Variants in GREB1 observed in about 807,000 individuals in gnomAD.
GREB1 encodes the protein growth regulating estrogen receptor binding 1.
GREB1 carries 106 observed loss-of-function variants against 200.7 expected under a neutral mutation model. That is an observed-to-expected ratio of 0.53 (90% CI 0.45 to 0.62). The LOEUF (loss-of-function observed/expected upper bound fraction) is 0.62. Among genes scored for constraint, GREB1 ranks in the 20% least tolerant of loss-of-function variants. The pLI, the probability that GREB1 is intolerant of heterozygous loss-of-function variation, is 0.00. For missense variants in GREB1, 2,243 were observed against 2,556.8 expected (o/e 0.88, Z 2.65); for synonymous variants, 1,132 against 1,092.4 (o/e 1.04, Z -0.72).
intron 19 of GREB1, among the ~76,000 whole-genome samples, chr2:11,614,366 A>T (rs2148328837): frequency 6.6e-6 from 1 of 152,154 alleles, no homozygotes; most frequent in South Asian, 2.1e-4. Context: ...ACCTCAAGTG[A>T]TCGGCCCGCC....
At position 11,626,997 on chromosome 2, in the gene GREB1, G is replaced by T. The variant is rs369208303; in HGVS notation, c.4342G>T (p.Val1448Leu). The change falls in exon 25 of 33, where the codon GTG becomes TTG. Residue 1448 changes from valine (V) to leucine (L), a missense_variant. Val to Leu is a conservative substitution (Grantham distance 32). Coordinates refer to ENST00000381486, the MANE Select transcript of GREB1 (RefSeq NM_014668.4). The stretch of plus-strand genomic sequence containing the variant: ...GTCCCGGAAGCCGGAGGACCTTTAT[G>T]TGCGGCGTCAGACGGCACGGATGAG... Reference protein sequence around the residue: ...GMSRKPEDLYVRRQTARMRLS... With the variant: ...GMSRKPEDLYLRRQTARMRLS... 21 of 1,614,084 alleles carry T rather than the reference G, an allele frequency of 1.3e-5. No homozygotes were observed. The African/African-American group carries it at 2.4e-4, about 18-fold the overall frequency.
rs561092028 is a variant in GREB1 at position 11,562,747 on chromosome 2, C to G, written c.277+165C>G. The stretch of plus-strand genomic sequence containing the variant: ...CATGCCCCTGGGCCCGCAGCAGGTG[C>G]TGGCCCGGCCTGCCCTCCTGAAACA... On this transcript the variant is annotated intron_variant, in intron 3 of 32. Coordinates refer to ENST00000381486, the MANE Select transcript of GREB1 (RefSeq NM_014668.4). 3.4e-4 allele frequency: 233 copies of G among 691,402 alleles called. 1 individual carries two copies. Among genetic ancestry groups the G allele is most frequent in the Non-Finnish European group, 4.8e-4 (213 of 447,712 alleles). 42.8% of individuals were successfully genotyped at this position (691,402 alleles called of 1,614,324 possible).
upstream of GREB1, among the ~76,000 whole-genome samples, chr2:11,532,845 C>G (rs1283944369): frequency 1.3e-5 from 2 of 152,140 alleles, no homozygotes; most frequent in East Asian, 1.9e-4. Flanking sequence ...TAAAGATATC[C>G]TTTGTTGAGC....
At position 11,581,456 on chromosome 2, in the gene GREB1, C is replaced by A. The variant is rs558971076; in HGVS notation, c.901+624C>A. Reference sequence around the variant, plus strand: ...AGCTGCAACTTAGAAGCTGGGGAAGCATCATGTAGAGATGGAAAGGGACAA... The same window carrying A: ...AGCTGCAACTTAGAAGCTGGGGAAGAATCATGTAGAGATGGAAAGGGACAA... On this transcript the variant is annotated intron_variant, in intron 7 of 32. Coordinates refer to ENST00000381486, the MANE Select transcript of GREB1 (RefSeq NM_014668.4). 2.6e-5 allele frequency among the ~76,000 whole-genome samples: 4 copies of A among 152,146 alleles called. No homozygotes were observed. The East Asian group carries it at 7.7e-4, about 29-fold the overall frequency.
Position 11,642,550 on chromosome 2 carries a change from A to G in GREB1, c.*2096A>G, listed in dbSNP as rs1685873421. ...TTGATGTCAATCTTTTTTTCCTAAG[A>G]AAAAAAGTCCGCGAGTATTAAATAT... is the stretch of plus-strand genomic sequence containing the variant. On this transcript the variant is annotated 3_prime_UTR_variant, in exon 33 of 33. Coordinates refer to ENST00000381486, the MANE Select transcript of GREB1 (RefSeq NM_014668.4). 1 of 152,176 alleles carries G rather than the reference A, an allele frequency of 6.6e-6. No individual in the cohort carries two copies. The highest frequency in any genetic ancestry group is 6.5e-5 in the Admixed American group (1 of 15,282). The allele number at this position is 152,176 out of a possible 1,614,324, so 9.4% of individuals were successfully genotyped here.
In GREB1 at chr2:11,584,303, G is replaced by C. The variant is rs186226022; in HGVS notation, c.902-858G>C. ...CATTCACGAAGATAGTTTGAGTCAT[G>C]AGCATGCTGTTGTCTAGAGTGGGCG... On this transcript the variant is annotated intron_variant, in intron 7 of 32. Transcript: ENST00000381486. 4.1e-3 allele frequency among the ~76,000 whole-genome samples: 619 copies of C among 152,322 alleles called. 6 individuals carry two copies. The highest frequency in any genetic ancestry group is 0.014 in the African/African-American group (572 of 41,578).
intron 9 of GREB1, 32 bp from the exon 10 acceptor site, chr2:11,588,714 C>T (rs1680426475): frequency 1.9e-6 from 3 of 1,602,002 alleles, no homozygotes; most frequent in Non-Finnish European, 2.6e-6. Context: ...GTGCACAAGA[C>T]TGGGTGCCAA....
At chr2:11,549,809 T>C (rs1476791237) in intron 1 of GREB1, among the ~76,000 whole-genome samples, 1 of 152,254 alleles carries the variant, frequency 6.6e-6, no homozygotes, top group Non-Finnish European at 1.5e-5. Context: ...TTTTGTTTGC[T>C]CTCTTTTGTC....
At chr2:11,600,630 T>C (rs577167084) in intron 15 of GREB1, among the ~76,000 whole-genome samples, 170 bp from the exon 16 acceptor site, 1 of 152,364 alleles carries the variant, frequency 6.6e-6, no homozygotes, top group Admixed American at 6.5e-5. Context: ...CCCTGACAGC[T>C]ACCTGAAGTC....
upstream of GREB1, among the ~76,000 whole-genome samples, chr2:11,531,200 A>C (rs933728845): frequency 2.6e-5 from 4 of 152,084 alleles, no homozygotes. Context: ...TTCCCAGTTT[A>C]CTGTGGGAGT....
chr2:11,533,602 GA>G (rs1674156651), upstream of GREB1, among the ~76,000 whole-genome samples: 1 of 152,092 alleles, frequency 6.6e-6, no homozygotes, highest in Non-Finnish European at 1.5e-5. Flanking sequence ...TTTGATGGAG[GA>G]AAAAATGGAT....
intron 17 of GREB1, among the ~76,000 whole-genome samples, chr2:11,605,699 G>A: frequency 6.6e-6 from 1 of 152,044 alleles, no homozygotes; most frequent in East Asian, 1.9e-4. Flanking sequence ...TGTACAATAG[G>A]TACTCTGTTT....
chr2:11,606,756 T>TTCA (rs1553373350), intron 17 of GREB1, among the ~76,000 whole-genome samples: 17 of 106,434 alleles, frequency 1.6e-4, no homozygotes, highest in African/African-American at 5.6e-4. Flanking sequence ...TGATTTTAGT[T>TTCA]TCATTATTAT....
At chr2:11,488,570 C>T (rs1022615310) in intron 1 of GREB1, among the ~76,000 whole-genome samples, 6 of 151,846 alleles carry the variant, frequency 4.0e-5, no homozygotes, top group Admixed American at 3.3e-4. Flanking sequence ...GTGGGTGGAT[C>T]ATCTGAGGTC....
chr2:11,538,638 T>C (rs11684389), intron 1 of GREB1, among the ~76,000 whole-genome samples: 376 of 22,460 alleles, frequency 0.017, 7 homozygotes, highest in South Asian at 0.086. Flanking sequence ...TCTTTCTTTC[T>C]TTCTTTCTTT....
At position 11,597,776 on chromosome 2, in the gene GREB1, T is replaced by G; in HGVS notation, c.1955-5T>G. ...TCACCTGGCATCCTGGGGCTCTGGT[T>G]CCAGGTTACAATCTGGAGCCACACA... On this transcript the variant is annotated splice_polypyrimidine_tract_variant and splice_region_variant and intron_variant, in intron 13 of 32. Coordinates refer to ENST00000381486, the MANE Select transcript of GREB1 (RefSeq NM_014668.4). This position sits in a 1 kb window ranked among gnomAD's most constrained non-coding sequence, Gnocchi z 4.1. 1.9e-6 allele frequency: 3 copies of G among 1,613,888 alleles called. No homozygotes were observed. The highest frequency in any genetic ancestry group is 2.5e-6 in the Non-Finnish European group (3 of 1,179,884).
chr2:11,538,372 T>C (rs1224000491), intron 1 of GREB1, among the ~76,000 whole-genome samples: 1 of 43,382 alleles, frequency 2.3e-5, no homozygotes, highest in African/African-American at 4.2e-5. Flanking sequence ...CTCTTTAACC[T>C]TTTTTTACAA....
intron 2 of GREB1, among the ~76,000 whole-genome samples, chr2:11,559,882 C>G (rs1236911125): frequency 2.0e-5 from 3 of 152,208 alleles, no homozygotes; most frequent in African/African-American, 4.8e-5. Context: ...TCTGTGTCCT[C>G]TAAGCCCAGG....
chr2:11,553,415 A>G (rs1254226779), intron 1 of GREB1, among the ~76,000 whole-genome samples: 2 of 152,086 alleles, frequency 1.3e-5, no homozygotes, highest in Non-Finnish European at 2.9e-5. Flanking sequence ...TGGGAGGATC[A>G]GAGGTTGCAG....
Sources: gnomAD v4.1 joint callset for allele counts (sites outside exome capture counted in the v4.1 genomes callset) on GRCh38, gnomAD v4.1.1 for gene constraint, Gnocchi (gnomAD v3.1) non-coding constraint, MANE v1.5 for transcripts, NCBI Gene and HGNC (gene_info 2026-07-23, HGNC 2026-07-21) for gene names.